CTBS: variants seen among roughly 807,000 people sequenced by gnomAD.
CTBS encodes di-N-acetylchitobiase.
Under a neutral mutation model 44.3 loss-of-function variants are expected in CTBS, and 35 were observed. The observed-to-expected ratio is 0.79, with a 90% CI of 0.60 to 1.05. The LOEUF is 1.05. CTBS is among the 50% of genes least tolerant of loss of function. CTBS has a pLI of 0.00. For synonymous variants in CTBS, 143 were observed against 168.0 expected, an observed-to-expected ratio of 0.85 and a Z score of 1.15; for missense variants, 458 against 475.3, an observed-to-expected ratio of 0.96 and a Z score of 0.34.
chr1:84,571,072 CAT>C (rs1252351557), intron 1 of CTBS, among the ~76,000 whole-genome samples: 1 of 152,160 alleles, frequency 6.6e-6, no homozygotes, highest in Non-Finnish European at 1.5e-5. Context: ...TGAAAGGCCT[CAT>C]AAGCTCTGTT....
chr1:84,562,998 T>C (rs898228524), intron 6 of CTBS, among the ~76,000 whole-genome samples: 1 of 152,192 alleles, frequency 6.6e-6, no homozygotes, highest in African/African-American at 2.4e-5. Context: ...CTGTTTGTGA[T>C]ATGCACATTT....
At position 84,565,861 on chromosome 1, in the gene CTBS, GGA is replaced by G; in HGVS notation, c.675_676del (p.Pro226LeufsTer2). On this transcript the variant is annotated frameshift_variant, in exon 4 of 7. Transcript: ENST00000370630. LOFTEE classifies it high-confidence loss of function. ...CTTACCAGTTAATGTCTGATTATAGGGAGCATTGGCTGCTGCAATACATTCTG... is the reference window on the plus strand; with the variant it reads ...CTTACCAGTTAATGTCTGATTATAGGGCATTGGCTGCTGCAATACATTCTG... The G allele has an allele frequency of 6.4e-7, 1 of 1,558,098 alleles. No individual in the cohort carries two copies. Among genetic ancestry groups the G allele is most frequent in the South Asian group, 1.3e-5 (1 of 79,728 alleles).
At chr1:84,569,698 A>AC (rs1225178072) in intron 3 of CTBS, among the ~76,000 whole-genome samples, 1 of 152,190 alleles carries the variant, frequency 6.6e-6, no homozygotes, top group Admixed American at 6.5e-5. Flanking sequence ...GCTACAAGGC[A>AC]AGTAGTGGGG....
chr1:84,558,329 G>T (rs1232893782), intron 6 of CTBS, among the ~76,000 whole-genome samples: 2 of 148,346 alleles, frequency 1.3e-5, no homozygotes, highest in Admixed American at 6.7e-5. Context: ...TCGCTCTGTC[G>T]CCCAGGCTGG....
At chr1:84,574,017 T>C in intron 1 of CTBS, 1 of 1,399,856 alleles carries the variant, frequency 7.1e-7, no homozygotes, top group Non-Finnish European at 9.3e-7. Context: ...CTCGCCTGCC[T>C]ACGCAGGCAC....
intron 1 of CTBS, among the ~76,000 whole-genome samples, chr1:84,572,455 G>C (rs1230987073): frequency 6.6e-6 from 1 of 151,046 alleles, no homozygotes; most frequent in East Asian, 1.9e-4. Context: ...AAAAAAGCTG[G>C]GTGAACTAAT....
chr1:84,554,596 T>C lies in CTBS; in HGVS notation c.*403A>G, dbSNP rs1684374126. On this transcript the variant is annotated 3_prime_UTR_variant, in exon 7 of 7. Transcript: ENST00000370630. ...GGGGAAAAGTATAGCACAAACTGCTTTTCAAAGACTAGGTTTTTAAAAACT... is the reference window on the plus strand; with the variant it reads ...GGGGAAAAGTATAGCACAAACTGCTCTTCAAAGACTAGGTTTTTAAAAACT... 1 of 165,550 alleles carries C rather than the reference T, an allele frequency of 6.0e-6. No individual in the cohort carries two copies. The highest frequency in any genetic ancestry group is 5.8e-5 in the Admixed American group (1 of 17,254). The allele number at this position is 165,550 out of a possible 1,614,324, so 10.3% of individuals were successfully genotyped here.
intron 6 of CTBS, among the ~76,000 whole-genome samples, chr1:84,562,622 A>G (rs1471103810): frequency 6.6e-6 from 1 of 152,060 alleles, no homozygotes; most frequent in Non-Finnish European, 1.5e-5. Flanking sequence ...ATAATGCTAA[A>G]GGTAAATTAT....
intron 1 of CTBS, 63 bp from the exon 2 acceptor site, chr1:84,570,783 A>G: frequency 6.6e-7 from 1 of 1,518,432 alleles, no homozygotes; most frequent in Non-Finnish European, 9.0e-7. Context: ...CGTCCAAAAT[A>G]CCGTTCATCA....
chr1:84,570,696 T>C lies in CTBS; in HGVS notation c.202A>G (p.Lys68Glu), dbSNP rs1190706969. 6.2e-7 allele frequency: 1 copy of C among 1,613,722 alleles called. No individual in the cohort carries two copies. Among genetic ancestry groups the C allele is most frequent in the Non-Finnish European group, 8.5e-7 (1 of 1,179,912 alleles). ...GACCAATCATAAGATTTCCAAGTTT[T>C]CTGTCCAACATCAAACACAAAGACC... ...FEVFVFDVGQ[K>E]TWKSYDWSQI... The change falls in exon 2 of 7, where the codon AAA (lysine) becomes GAA (glutamate). Residue 68 changes from lysine to glutamate, a missense_variant. Transcript: ENST00000370630.
intron 6 of CTBS, among the ~76,000 whole-genome samples, chr1:84,558,534 G>A (rs926032564): frequency 8.7e-5 from 13 of 149,982 alleles, no homozygotes; most frequent in South Asian, 2.1e-4. Context: ...CTCGTGATCC[G>A]CCCGCCTCAG....
chr1:84,563,191 A>T, intron 6 of CTBS, 66 bp downstream of exon 6: 2 of 1,099,068 alleles, frequency 1.8e-6, no homozygotes, highest in Non-Finnish European at 2.4e-6. Flanking sequence ...GATATCAAAC[A>T]TCTAATTATG....
In CTBS at chr1:84,554,943, CTAG is replaced by C; in HGVS notation, c.*53_*55del. On this transcript the variant is annotated 3_prime_UTR_variant, in exon 7 of 7. Transcript: ENST00000370630. ...AGCAACATAATAAAAATGCAAGAAA[CTAG>C]ATCTGTTGATACAGATCATCTTTCT... The C allele has an allele frequency of 7.4e-7, 1 of 1,352,044 alleles. No individual in the cohort carries two copies. Among genetic ancestry groups the C allele is most frequent in the Non-Finnish European group, 1.0e-6 (1 of 965,032 alleles). 83.8% of individuals were successfully genotyped at this position (1,352,044 alleles called of 1,614,324 possible).
At chr1:84,565,418 G>T (rs746226801) in intron 4 of CTBS, among the ~76,000 whole-genome samples, 1 of 152,022 alleles carries the variant, frequency 6.6e-6, no homozygotes, top group Non-Finnish European at 1.5e-5. Flanking sequence ...TGCAATGAAG[G>T]TGCCCAACCA....
chr1:84,574,149 C>A (rs1221482995), intron 1 of CTBS, 90 bp downstream of exon 1: 4 of 1,538,934 alleles, frequency 2.6e-6, no homozygotes, highest in African/African-American at 2.8e-5. Flanking sequence ...GTTTCGGCGC[C>A]CACGGCACCT....
rs529155625 is a variant in CTBS, at chr1:84,554,094, T to C, written c.*905A>G. On this transcript the variant is annotated 3_prime_UTR_variant, in exon 7 of 7. Coordinates refer to ENST00000370630, the MANE Select transcript of CTBS (RefSeq NM_004388.3). ...GAGTTGGAGACCCATCTGGACAACA[T>C]AGCGAGACCCTGTCTCTACAAAAAA... 3 of 152,142 alleles carry C rather than the reference T, an allele frequency of 2.0e-5. No homozygotes were observed. The East Asian group carries it at 5.8e-4, about 29-fold the overall frequency. The allele number at this position is 152,142 out of a possible 1,614,324, so 9.4% of individuals were successfully genotyped here.
intron 1 of CTBS, chr1:84,574,033 G>T: frequency 7.0e-7 from 1 of 1,420,648 alleles, no homozygotes; most frequent in Non-Finnish European, 9.2e-7. Context: ...GGCACTTACA[G>T]GCTGTGAGGC....
rs889980771 is a variant in CTBS, at chr1:84,554,981, T to A, written c.*18A>T. On this transcript the variant is annotated 3_prime_UTR_variant, in exon 7 of 7. Transcript: ENST00000370630. ...TACAGATCATCTTTCTAACTCTTAA[T>A]GGTTTGACAAAAGATGTTCATCTCT... 2 of 1,604,572 alleles carry A rather than the reference T, an allele frequency of 1.2e-6. No homozygotes were observed. Among genetic ancestry groups the A allele is most frequent in the Non-Finnish European group, 1.7e-6 (2 of 1,172,280 alleles).
intron 3 of CTBS, among the ~76,000 whole-genome samples, chr1:84,566,415 T>C (rs1317891410): frequency 6.6e-6 from 1 of 152,182 alleles, no homozygotes; most frequent in Non-Finnish European, 1.5e-5. Flanking sequence ...TTTAAAATAT[T>C]GTGCAGGTTA....
Sources: gnomAD v4.1 joint callset for allele counts (sites outside exome capture counted in the v4.1 genomes callset) on GRCh38, gnomAD v4.1.1 for gene constraint, MANE v1.5 for transcripts, NCBI Gene and HGNC (gene_info 2026-07-23, HGNC 2026-07-21) for gene names.